The following TGIF1 variants were observed in gnomAD, a reference collection of about 807,000 sequenced individuals.
The protein encoded by TGIF1 is TGFB induced factor homeobox 1, also known as homeobox protein TGIF1.
In TGIF1, 4 loss-of-function variants were observed where a neutral mutation model predicts 19.3. That is an observed-to-expected ratio of 0.21 (90% CI 0.10 to 0.47). TGIF1 has a LOEUF of 0.47. Among genes scored for constraint, TGIF1 ranks in the 20% least tolerant of loss-of-function variants. The probability of loss-of-function intolerance (pLI) is 0.98; values close to 1 mark genes in which losing one functional copy is unlikely to be tolerated. For synonymous variants in TGIF1, 122 were observed against 129.3 expected (o/e 0.94, Z 0.38); for missense variants, 275 against 341.4 (o/e 0.81, Z 1.53).
chr18:3,413,243 G>A (rs79674077), intron 1 of TGIF1, among the ~76,000 whole-genome samples: 1 of 152,162 alleles, frequency 6.6e-6, no homozygotes, highest in Non-Finnish European at 1.5e-5. Flanking sequence ...TCACGGAACT[G>A]TTTTTATGTT....
At chr18:3,448,368 C>T (rs2082788170), upstream of TGIF1, 1 of 1,007,908 alleles carries the variant, frequency 9.9e-7, no homozygotes, top group Non-Finnish European at 1.2e-6. Flanking sequence ...CCCCCTCTAA[C>T]GGGCGGCGGG....
chr18:3,459,178 T>C lies in TGIF1; in HGVS notation c.*1238T>C, dbSNP rs911276306. 1.3e-5 allele frequency: 2 copies of C among 152,250 alleles called. No individual in the cohort carries two copies. Among genetic ancestry groups the C allele is most frequent in the African/African-American group, 4.8e-5 (2 of 41,462 alleles). 9.4% of individuals were successfully genotyped at this position (152,250 alleles called of 1,614,324 possible). ...TCATGCTTAGTATGAGCTTGCTTTGTTGTTACGGTCATGTTCTTTCCAGCC... is the reference window on the plus strand; with the variant it reads ...TCATGCTTAGTATGAGCTTGCTTTGCTGTTACGGTCATGTTCTTTCCAGCC... On this transcript the variant is annotated 3_prime_UTR_variant, in exon 3 of 3. Coordinates refer to ENST00000343820, the MANE Select transcript of TGIF1 (RefSeq NM_003244.4).
chr18:3,438,079 C>T (rs1387286487), intron 2 of TGIF1, among the ~76,000 whole-genome samples: 2 of 150,274 alleles, frequency 1.3e-5, no homozygotes, highest in Non-Finnish European at 1.5e-5. Flanking sequence ...AGCGAAAGTC[C>T]GTCTCAAAAA....
At chr18:3,422,925 A>G (rs917805153) in intron 2 of TGIF1, among the ~76,000 whole-genome samples, 2 of 151,974 alleles carry the variant, frequency 1.3e-5, no homozygotes, top group African/African-American at 2.4e-5. Flanking sequence ...TCCTGACCTC[A>G]TGATCCACCT....
At chr18:3,425,957 C>T (rs1158637422) in intron 2 of TGIF1, among the ~76,000 whole-genome samples, 1 of 152,006 alleles carries the variant, frequency 6.6e-6, no homozygotes, top group Non-Finnish European at 1.5e-5. Flanking sequence ...CGCACCATCC[C>T]CCTGCCCTGC....
upstream of TGIF1, chr18:3,449,797 T>TGGAGGAGG: frequency 1.0e-6 from 1 of 984,446 alleles, no homozygotes; most frequent in Non-Finnish European, 1.2e-6. Flanking sequence ...TTCCCGGGGG[T>TGGAGGAGG]GGAGGAGGGA....
rs574278345 is a variant in TGIF1 at position 3,423,675 on chromosome 18, TC to T, written c.-45+5463del. ...TCCAGCCTGCACAACAGAGCGAGAC[TC>T]CCATCTCAAAAAAAAAAGAGTTTTA... is the stretch of plus-strand genomic sequence containing the variant. On this transcript the variant is annotated intron_variant, in intron 2 of 3. Coordinates refer to the TGIF1 transcript ENST00000401449. 2.2e-4 allele frequency among the ~76,000 whole-genome samples: 33 copies of T among 151,046 alleles called. No homozygotes were observed. In the South Asian group the frequency reaches 5.7e-3, roughly 26 times the overall value.
At chr18:3,419,181 A>G (rs915243048) in intron 2 of TGIF1, among the ~76,000 whole-genome samples, 13 of 152,250 alleles carry the variant, frequency 8.5e-5, no homozygotes, top group African/African-American at 3.1e-4. Flanking sequence ...ATTAAAGCAT[A>G]TAAGTTAAGA....
At chr18:3,431,740 G>A (rs2082549691) in intron 2 of TGIF1, among the ~76,000 whole-genome samples, 1 of 152,126 alleles carries the variant, frequency 6.6e-6, no homozygotes, top group Admixed American at 6.6e-5. Flanking sequence ...GAGAGGCCTG[G>A]CTGACACCAC....
chr18:3,447,507 G>A (rs1277276179), upstream of TGIF1: 20 of 615,468 alleles, frequency 3.2e-5, no homozygotes, highest in Non-Finnish European at 4.7e-5. Context: ...GGTATCTGAA[G>A]CCCACTTTTT....
chr18:3,431,016 T>C (rs2082540295), intron 2 of TGIF1, among the ~76,000 whole-genome samples: 1 of 152,046 alleles, frequency 6.6e-6, no homozygotes, highest in Non-Finnish European at 1.5e-5. Context: ...GAGAATACGA[T>C]ATGAACCTGG....
chr18:3,424,020 C>T (rs1054519988), intron 2 of TGIF1, among the ~76,000 whole-genome samples: 4 of 152,134 alleles, frequency 2.6e-5, no homozygotes, highest in South Asian at 2.1e-4. Flanking sequence ...AACATTGTGG[C>T]GCTTCCGCAG....
At chr18:3,421,632 G>A (rs568178045) in intron 2 of TGIF1, among the ~76,000 whole-genome samples, 5 of 151,650 alleles carry the variant, frequency 3.3e-5, no homozygotes, top group South Asian at 2.1e-4. Context: ...GGCTGATCTC[G>A]AACTCCCGAC....
At position 3,459,221 on chromosome 18, in the gene TGIF1, TGTCTAAGTGTGAGGGAGCATCAGA is replaced by T. The variant is rs1383885761; in HGVS notation, c.*1283_*1306del. The T allele has an allele frequency of 6.6e-6, 1 of 152,174 alleles. No homozygotes were observed. The highest frequency in any genetic ancestry group is 1.5e-5 in the Non-Finnish European group (1 of 68,022). 9.4% of individuals were successfully genotyped at this position (152,174 alleles called of 1,614,324 possible). A position where few individuals can be genotyped will look rare whatever the true frequency, so the allele number is the denominator to read the frequency against. On this transcript the variant is annotated 3_prime_UTR_variant, in exon 3 of 3. Transcript: ENST00000343820. ...TTCCAGCCCTGCCCCAGCTATGAAT[TGTCTAAGTGTGAGGGAGCATCAGA>T]GCTTCAGTATTGTTTAAAGAATGTA...
intron 1 of TGIF1, chr18:3,453,795 G>A (rs971458929): frequency 1.0e-6 from 1 of 985,168 alleles, no homozygotes; most frequent in East Asian, 1.1e-4. Context: ...CTTGTATGTG[G>A]ATAGCGTGAA....
chr18:3,456,921 T>C lies in TGIF1; in HGVS notation c.243+341T>C, dbSNP rs1179080224. On this transcript the variant is annotated intron_variant, in intron 2 of 2. Coordinates refer to ENST00000343820, the MANE Select transcript of TGIF1 (RefSeq NM_003244.4). This position sits in a 1 kb window ranked among gnomAD's most constrained non-coding sequence, Gnocchi z 4.2. ...GTGAGGTAATTCATGTTATGTCTGT[T>C]GACACAGTCATTTGAACTGGGAAAA... is the stretch of plus-strand genomic sequence containing the variant. The C allele has an allele frequency of 6.7e-6, 4 of 594,234 alleles. No individual in the cohort carries two copies. The East Asian group carries it at 1.1e-4, about 17-fold the overall frequency. The allele number at this position is 594,234 out of a possible 1,614,324, so 36.8% of individuals were successfully genotyped here.
In TGIF1 at chr18:3,451,263, C is replaced by A. The variant is rs906547461; in HGVS notation, c.16+758C>A. The A allele has an allele frequency of 2.7e-6, 2 of 733,556 alleles. No individual in the cohort carries two copies. Among genetic ancestry groups the A allele is most frequent in the Admixed American group, 6.3e-5 (1 of 15,952 alleles). The allele number at this position is 733,556 out of a possible 1,614,324, so 45.4% of individuals were successfully genotyped here. On this transcript the variant is annotated intron_variant, in intron 1 of 2. Coordinates refer to ENST00000343820, the MANE Select transcript of TGIF1 (RefSeq NM_003244.4). The surrounding 1 kb of genome is among the most constrained non-coding windows in gnomAD (Gnocchi z 5.4). ...TTGGTTGTAAGTGCAAAGAGCAAGG[C>A]TGTCATTGTTTCCACGAAGTGTTCT...
Position 3,457,053 on chromosome 18 carries a change from A to C in TGIF1, c.244-312A>C. 1.8e-6 allele frequency: 1 copy of C among 556,418 alleles called. No individual in the cohort carries two copies. Among genetic ancestry groups the C allele is most frequent in the Non-Finnish European group, 3.2e-6 (1 of 314,776 alleles). The allele number at this position is 556,418 out of a possible 1,614,324, so 34.5% of individuals were successfully genotyped here. The stretch of plus-strand genomic sequence containing the variant: ...GATAGGTTAAAATGGGGAGAGTTAA[A>C]AAGTAAACCTCTCTCTCAAATCATT... On this transcript the variant is annotated intron_variant, in intron 2 of 2. Coordinates refer to ENST00000343820, the MANE Select transcript of TGIF1 (RefSeq NM_003244.4). This position sits in a 1 kb window ranked among gnomAD's most constrained non-coding sequence, Gnocchi z 4.9.
At chr18:3,416,947 CAAA>C (rs889293150) in intron 1 of TGIF1, among the ~76,000 whole-genome samples, 10 of 151,474 alleles carry the variant, frequency 6.6e-5, no homozygotes, top group East Asian at 3.9e-4. Context: ...ACAACAACAA[CAAA>C]AAAAAGATTT....
Sources: allele counts gnomAD v4.1 joint callset (sites outside exome capture counted in the v4.1 genomes callset), GRCh38; gene constraint gnomAD v4.1.1; non-coding constraint Gnocchi (gnomAD v3.1); transcripts MANE v1.5; gene names NCBI Gene and HGNC (gene_info 2026-07-23, HGNC 2026-07-21).